The following NKAIN2 variants were observed in gnomAD, a reference collection of about 807,000 sequenced individuals.
NKAIN2 encodes the protein sodium/potassium-transporting ATPase subunit beta-1-interacting protein 2.
Under a neutral mutation model 32.6 loss-of-function variants are expected in NKAIN2, and 14 were observed. The observed-to-expected ratio is 0.43, with a 90% CI of 0.28 to 0.67. NKAIN2 has a LOEUF of 0.67. NKAIN2 is among the 30% of genes least tolerant of loss of function. The pLI is 0.17. For synonymous variants in NKAIN2, 80 were observed against 87.2 expected, an observed-to-expected ratio of 0.92 and a Z score of 0.46; for missense variants, 198 against 258.3, an observed-to-expected ratio of 0.77 and a Z score of 1.60.
chr6:124,580,353 A>G (rs1288182103), intron 3 of NKAIN2, among the ~76,000 whole-genome samples: 1 of 152,208 alleles, frequency 6.6e-6, no homozygotes, highest in Non-Finnish European at 1.5e-5. Flanking sequence ...AATGTGGGGA[A>G]CAAATTCAAG....
intron 1 of NKAIN2, among the ~76,000 whole-genome samples, chr6:123,826,609 A>G (rs948876482): frequency 6.6e-6 from 1 of 152,118 alleles, no homozygotes; most frequent in Non-Finnish European, 1.5e-5. Context: ...AGAATCATAT[A>G]TCATCTATCC....
intron 1 of NKAIN2, among the ~76,000 whole-genome samples, chr6:124,177,370 A>G (rs1057423695): frequency 2.6e-5 from 4 of 152,318 alleles, no homozygotes; most frequent in Middle Eastern, 3.4e-3. Flanking sequence ...GCTTCTTAGC[A>G]TGATTTCTTT....
chr6:123,828,079 T>G (rs1277430407), intron 1 of NKAIN2, among the ~76,000 whole-genome samples: 1 of 152,150 alleles, frequency 6.6e-6, no homozygotes, highest in East Asian at 1.9e-4. Flanking sequence ...CTGTTAAATT[T>G]TGTTTAACCT....
intron 3 of NKAIN2, among the ~76,000 whole-genome samples, chr6:124,628,317 G>T (rs1783434804): frequency 6.6e-6 from 1 of 152,000 alleles, no homozygotes; most frequent in South Asian, 2.1e-4. Context: ...TCTACCCTAA[G>T]ATGTAATTAC....
chr6:124,311,118 A>G (rs1417147424), intron 2 of NKAIN2, among the ~76,000 whole-genome samples: 1 of 152,080 alleles, frequency 6.6e-6, no homozygotes. Flanking sequence ...AGATTTTAAT[A>G]TGTAGAGCAA....
At chr6:124,570,709 G>A (rs1781094185) in intron 3 of NKAIN2, among the ~76,000 whole-genome samples, 1 of 152,266 alleles carries the variant, frequency 6.6e-6, no homozygotes, top group African/African-American at 2.4e-5. Context: ...GGCCCTCATG[G>A]AGAACCTCTG....
rs368310873 is a variant in NKAIN2, at chr6:124,688,171, C to T, written c.474+29785C>T. Among the ~76,000 whole-genome samples, 28 of 152,142 alleles carry T rather than the reference C, an allele frequency of 1.8e-4. 1 individual carries two copies. In the South Asian group the frequency reaches 5.0e-3, roughly 27 times the overall value. ...GTTCTGCAAGCGTTAACAAATATAACAGTATAACTAAGTGTTAATCCGTTA... is the reference window on the plus strand; with the variant it reads ...GTTCTGCAAGCGTTAACAAATATAATAGTATAACTAAGTGTTAATCCGTTA... On this transcript the variant is annotated intron_variant, in intron 4 of 6. Coordinates refer to ENST00000368417, the MANE Select transcript of NKAIN2 (RefSeq NM_001040214.3).
intron 2 of NKAIN2, among the ~76,000 whole-genome samples, chr6:124,345,638 T>C (rs1461124080): frequency 2.0e-5 from 3 of 151,916 alleles, no homozygotes; most frequent in Non-Finnish European, 2.9e-5. Flanking sequence ...GTTTGTAGTA[T>C]TCTCTGATGG....
chr6:124,043,388 T>C (rs1446932860), intron 1 of NKAIN2, among the ~76,000 whole-genome samples: 2 of 152,010 alleles, frequency 1.3e-5, no homozygotes, highest in Non-Finnish European at 2.9e-5. Flanking sequence ...TTAAGGATAT[T>C]TATTTACAGG....
At chr6:124,677,869 T>G (rs1185791109) in intron 4 of NKAIN2, among the ~76,000 whole-genome samples, 77 of 152,268 alleles carry the variant, frequency 5.1e-4, no homozygotes, top group African/African-American at 1.8e-3. Flanking sequence ...CTTAAAGGAC[T>G]TCCTTTAACC....
At chr6:123,906,244 C>T (rs540805236) in intron 1 of NKAIN2, among the ~76,000 whole-genome samples, 1 of 151,724 alleles carries the variant, frequency 6.6e-6, no homozygotes, top group Non-Finnish European at 1.5e-5. Flanking sequence ...TGGAATTATC[C>T]ACTTTCATTA....
At chr6:124,555,670 A>G (rs1434543500) in intron 3 of NKAIN2, among the ~76,000 whole-genome samples, 3 of 152,178 alleles carry the variant, frequency 2.0e-5, no homozygotes, top group African/African-American at 7.2e-5. Flanking sequence ...TTCAAAGGCA[A>G]ATGGATGATC....
At chr6:124,586,839 C>T (rs1781729568) in intron 3 of NKAIN2, among the ~76,000 whole-genome samples, 1 of 152,122 alleles carries the variant, frequency 6.6e-6, no homozygotes, top group Admixed American at 6.5e-5. Flanking sequence ...TACAATGGAA[C>T]ATTACTCAGA....
intron 1 of NKAIN2, among the ~76,000 whole-genome samples, chr6:123,869,123 T>C (rs758463432): frequency 2.0e-5 from 3 of 152,224 alleles, no homozygotes; most frequent in Non-Finnish European, 2.9e-5. Flanking sequence ...ACATAGGCTT[T>C]TAACAAAAGG....
intron 3 of NKAIN2, among the ~76,000 whole-genome samples, chr6:124,463,287 A>G (rs146380808): frequency 6.6e-6 from 1 of 152,208 alleles, no homozygotes; most frequent in Admixed American, 6.6e-5. Flanking sequence ...TGCCACTACT[A>G]CTTTAAAATG....
At chr6:124,524,839 T>G (rs1779252932) in intron 3 of NKAIN2, among the ~76,000 whole-genome samples, 1 of 152,216 alleles carries the variant, frequency 6.6e-6, no homozygotes, top group Non-Finnish European at 1.5e-5. Context: ...CATAGGCAAT[T>G]TTGACATTAT....
chr6:123,863,403 T>C (rs1423802244), intron 1 of NKAIN2, among the ~76,000 whole-genome samples: 1 of 152,250 alleles, frequency 6.6e-6, no homozygotes, highest in African/African-American at 2.4e-5. Context: ...TGAAGTTTTA[T>C]GTTTTACCAC....
At chr6:124,147,842 T>C (rs1787497433) in intron 1 of NKAIN2, among the ~76,000 whole-genome samples, 1 of 152,150 alleles carries the variant, frequency 6.6e-6, no homozygotes, top group East Asian at 1.9e-4. Context: ...TTTGAAGTAA[T>C]GGAATGCTTA....
intron 1 of NKAIN2, among the ~76,000 whole-genome samples, chr6:123,971,996 A>G (rs890521511): frequency 6.6e-6 from 1 of 152,174 alleles, no homozygotes; most frequent in Admixed American, 6.6e-5. Flanking sequence ...CTGAAACAGT[A>G]AGACCAAGCT....
Sources: allele counts gnomAD v4.1 joint callset (sites outside exome capture counted in the v4.1 genomes callset), GRCh38; gene constraint gnomAD v4.1.1; transcripts MANE v1.5; gene names NCBI Gene and HGNC (gene_info 2026-07-23, HGNC 2026-07-21).